The following SPATA6 variants were observed in gnomAD, a reference collection of about 807,000 sequenced individuals.
SPATA6 encodes the protein spermatogenesis-associated protein 6.
In SPATA6, 56 loss-of-function variants were observed where a neutral mutation model predicts 65.3. That is an observed-to-expected ratio of 0.86 (90% CI 0.69 to 1.07). The LOEUF is 1.07. Among genes scored for constraint, SPATA6 ranks in the 50% least tolerant of loss-of-function variants. The pLI is 0.00. For synonymous variants in SPATA6, 199 were observed against 213.2 expected, an observed-to-expected ratio of 0.93 and a Z score of 0.58; for missense variants, 590 against 594.8, an observed-to-expected ratio of 0.99 and a Z score of 0.08.
chr1:48,358,148 G>A (rs550096124), intron 10 of SPATA6, among the ~76,000 whole-genome samples: 150 of 152,024 alleles, frequency 9.9e-4, no homozygotes, highest in African/African-American at 3.4e-3. Context: ...AGCTGTCATC[G>A]ATGAAGAATT....
chr1:48,375,733 C>T (rs1647814689), intron 9 of SPATA6, among the ~76,000 whole-genome samples: 1 of 152,102 alleles, frequency 6.6e-6, no homozygotes, highest in East Asian at 1.9e-4. Context: ...TAGGTCCATG[C>T]CCCTTCCAAG....
At chr1:48,384,350 C>CAGGGACAGGGAGAGGGAG (rs1557647537) in intron 9 of SPATA6, among the ~76,000 whole-genome samples, 3 of 21,490 alleles carry the variant, frequency 1.4e-4, no homozygotes, top group African/African-American at 4.0e-4. Flanking sequence ...GGGACAGGGA[C>CAGGGACAGGGAGAGGGAG]AGGGAGAGGG....
At chr1:48,461,995 C>T (rs1378020026) in intron 1 of SPATA6, among the ~76,000 whole-genome samples, 2 of 152,100 alleles carry the variant, frequency 1.3e-5, no homozygotes, top group Non-Finnish European at 2.9e-5. Context: ...ACATATACAC[C>T]GTGGCATACT....
Position 48,385,307 on chromosome 1 carries a change from A to C in SPATA6, c.909+2T>G. 6.2e-7 allele frequency: 1 copy of C among 1,602,812 alleles called. No homozygotes were observed. Among genetic ancestry groups the C allele is most frequent in the Non-Finnish European group, 8.5e-7 (1 of 1,175,826 alleles). On this transcript the variant is annotated splice_donor_variant, in intron 9 of 12. Transcript: ENST00000371847. LOFTEE classifies it high-confidence loss of function. The stretch of plus-strand genomic sequence containing the variant: ...TATTATTCTACAATTCATTCTACAC[A>C]CCTTATAATCCTTGGGTCGGCAGCA...
At chr1:48,411,160 T>A (rs538836575) in intron 5 of SPATA6, among the ~76,000 whole-genome samples, 2 of 152,266 alleles carry the variant, frequency 1.3e-5, no homozygotes, top group Admixed American at 1.3e-4. Flanking sequence ...TTGAAGAATG[T>A]CAATTACAAT....
chr1:48,422,472 C>T (rs764964275), intron 3 of SPATA6, among the ~76,000 whole-genome samples: 8 of 152,078 alleles, frequency 5.3e-5, no homozygotes, highest in African/African-American at 7.2e-5. Flanking sequence ...GAAGAGGAAG[C>T]CTTTATAAAG....
At chr1:48,373,666 T>G (rs1474148002) in intron 9 of SPATA6, among the ~76,000 whole-genome samples, 1 of 152,194 alleles carries the variant, frequency 6.6e-6, no homozygotes. Context: ...AAAGGAAGTT[T>G]GACTTACAGT....
At chr1:48,393,000 T>A (rs1453323082) in intron 8 of SPATA6, among the ~76,000 whole-genome samples, 1 of 151,994 alleles carries the variant, frequency 6.6e-6, no homozygotes, top group Non-Finnish European at 1.5e-5. Context: ...TTATTAAATG[T>A]ACAAAGAAGA....
At chr1:48,308,934 G>A (rs1043303701) in intron 11 of SPATA6, among the ~76,000 whole-genome samples, 28 of 152,176 alleles carry the variant, frequency 1.8e-4, no homozygotes, top group South Asian at 2.1e-4. Flanking sequence ...CACCCAGGCT[G>A]AAATGCAGTG....
intron 11 of SPATA6, chr1:48,325,562 G>A: frequency 9.5e-7 from 1 of 1,052,206 alleles, no homozygotes; most frequent in East Asian, 2.4e-5. Context: ...GTCTTGGAAT[G>A]TTAGATTTCC....
chr1:48,388,405 A>T (rs1217444043), intron 8 of SPATA6, among the ~76,000 whole-genome samples: 1 of 152,202 alleles, frequency 6.6e-6, no homozygotes, highest in Non-Finnish European at 1.5e-5. Flanking sequence ...ATGTTCAGAT[A>T]TCAATGTAAG....
intron 6 of SPATA6, 83 bp from the exon 7 acceptor site, chr1:48,399,727 T>A: frequency 7.9e-7 from 1 of 1,273,180 alleles, no homozygotes; most frequent in Non-Finnish European, 1.1e-6. Context: ...AAAAGTAATT[T>A]AAATAAGACG....
intron 5 of SPATA6, among the ~76,000 whole-genome samples, chr1:48,407,456 T>A (rs948205065): frequency 6.6e-6 from 1 of 152,316 alleles, no homozygotes; most frequent in African/African-American, 2.4e-5. Flanking sequence ...TCCAACTGAA[T>A]CCACCACAGT....
chr1:48,452,620 G>A (rs953759381), intron 2 of SPATA6, among the ~76,000 whole-genome samples: 35 of 152,242 alleles, frequency 2.3e-4, no homozygotes, highest in African/African-American at 8.2e-4. Flanking sequence ...CTGACCTCAG[G>A]TGATCCACCC....
chr1:48,470,727 A>G (rs980252200), intron 1 of SPATA6, among the ~76,000 whole-genome samples: 3 of 152,168 alleles, frequency 2.0e-5, no homozygotes, highest in Non-Finnish European at 4.4e-5. Flanking sequence ...AAAGGCGGGA[A>G]GCTGCAAGCA....
At chr1:48,388,801 T>A (rs1046292372) in intron 8 of SPATA6, among the ~76,000 whole-genome samples, 1 of 152,078 alleles carries the variant, frequency 6.6e-6, no homozygotes, top group Non-Finnish European at 1.5e-5. Flanking sequence ...CTCCGCCTCC[T>A]GGGTTCAAGC....
At chr1:48,462,201 G>T (rs1423223293) in intron 1 of SPATA6, among the ~76,000 whole-genome samples, 2 of 151,774 alleles carry the variant, frequency 1.3e-5, no homozygotes, top group South Asian at 2.1e-4. Context: ...TTGTGGGGTG[G>T]GGGGAGCGGG....
the SPATA6 span, among the ~76,000 whole-genome samples, chr1:48,283,697 A>AGAAAGAAAGAAAGAATG: frequency 8.3e-5 from 1 of 12,002 alleles, no homozygotes; most frequent in African/African-American, 1.8e-4. Context: ...AAAAAAAAAA[A>AGAAAGAAAGAAAGAATG]AAAGAAAGAA....
At chr1:48,325,835 C>T (rs897275305) in intron 11 of SPATA6, 7 of 422,446 alleles carry the variant, frequency 1.7e-5, no homozygotes, top group Non-Finnish European at 2.8e-5. Context: ...CTGAATGTGA[C>T]CAAGAAAGTG....
Sources: gnomAD v4.1 joint callset for allele counts (sites outside exome capture counted in the v4.1 genomes callset) on GRCh38, gnomAD v4.1.1 for gene constraint, MANE v1.5 for transcripts, NCBI Gene and HGNC (gene_info 2026-07-23, HGNC 2026-07-21) for gene names.